Variants in PLEKHM3 observed in about 807,000 individuals in gnomAD.
PLEKHM3 encodes the protein pleckstrin homology domain containing M3, also known as pleckstrin homology domain-containing family M member 3.
Under a neutral mutation model 81.8 loss-of-function variants are expected in PLEKHM3, and 45 were observed. That is an observed-to-expected ratio of 0.55 (90% CI 0.43 to 0.71). The LOEUF is 0.71. Ranked by LOEUF, PLEKHM3 falls within the 30% of genes least tolerant of loss-of-function variation. The probability of loss-of-function intolerance (pLI) is 0.00; values close to 1 mark genes in which losing one functional copy is unlikely to be tolerated. For missense variants in PLEKHM3, 788 were observed against 924.3 expected (o/e 0.85, Z 1.91); for synonymous variants, 352 against 356.4 (o/e 0.99, Z 0.14).
intron 7 of PLEKHM3, among the ~76,000 whole-genome samples, chr2:207,839,745 G>A (rs1423013866): frequency 6.6e-6 from 1 of 152,080 alleles, no homozygotes; most frequent in Non-Finnish European, 1.5e-5. Flanking sequence ...GGGCAACATA[G>A]GGAGATCCCA....
chr2:207,892,296 C>A (rs1290968768), intron 6 of PLEKHM3, among the ~76,000 whole-genome samples: 1 of 152,148 alleles, frequency 6.6e-6, no homozygotes, highest in Non-Finnish European at 1.5e-5. Flanking sequence ...GGATGATATT[C>A]TTTTTCTTAT....
At chr2:208,005,214 A>G (rs1692458908) in intron 1 of PLEKHM3, among the ~76,000 whole-genome samples, 1 of 152,198 alleles carries the variant, frequency 6.6e-6, no homozygotes, top group Non-Finnish European at 1.5e-5. Context: ...AACATCTCAC[A>G]TTAGTATGAT....
intron 5 of PLEKHM3, among the ~76,000 whole-genome samples, chr2:207,922,521 T>A (rs1183410619): frequency 6.6e-6 from 1 of 152,038 alleles, no homozygotes; most frequent in Non-Finnish European, 1.5e-5. Flanking sequence ...ATGAAAACCA[T>A]CCAAGCCCTG....
At chr2:207,901,115 A>G in intron 6 of PLEKHM3, 1 of 614,810 alleles carries the variant, frequency 1.6e-6, no homozygotes, top group Non-Finnish European at 2.9e-6. Flanking sequence ...ATCTCAACTG[A>G]GCTCCTTCTC....
chr2:207,942,665 C>T (rs916632445), intron 4 of PLEKHM3, among the ~76,000 whole-genome samples: 7 of 152,186 alleles, frequency 4.6e-5, no homozygotes, highest in Admixed American at 3.9e-4. Context: ...CTTTGGGAGG[C>T]CGAGGAGGGT....
intron 6 of PLEKHM3, among the ~76,000 whole-genome samples, chr2:207,881,426 C>T (rs1277276958): frequency 6.6e-6 from 1 of 152,148 alleles, no homozygotes; most frequent in African/African-American, 2.4e-5. Flanking sequence ...CCCATTGAAT[C>T]CTCACCACAT....
At position 208,001,173 on chromosome 2, in the gene PLEKHM3, T is replaced by G. The variant is rs908493506; in HGVS notation, c.467A>C (p.Gln156Pro). The change falls in exon 2 of 8, where the codon CAA (glutamine) becomes CCA (proline). Residue 156 changes from glutamine to proline, a missense_variant. Gln to Pro is a moderately conservative substitution (Grantham distance 76). Transcript: ENST00000427836. ...GHARSRSDIT[Q>P]VDWRVVLKTT... Reference sequence around the variant, plus strand: ...TTTGAGGACTACCCTCCAGTCCACTTGGGTAATATCTGATCGTGATCGAGC... The same window carrying G: ...TTTGAGGACTACCCTCCAGTCCACTGGGGTAATATCTGATCGTGATCGAGC... 1 of 1,614,114 alleles carries G rather than the reference T, an allele frequency of 6.2e-7. No homozygotes were observed. The highest frequency in any genetic ancestry group is 8.5e-7 in the Non-Finnish European group (1 of 1,180,010).
chr2:207,841,193 G>A (rs530253434), intron 7 of PLEKHM3, among the ~76,000 whole-genome samples: 7 of 151,256 alleles, frequency 4.6e-5, no homozygotes, highest in East Asian at 2.0e-4. Context: ...TAGACTGGGC[G>A]CGGTGGCTCA....
intron 6 of PLEKHM3, among the ~76,000 whole-genome samples, chr2:207,887,404 C>T (rs1467517805): frequency 6.6e-6 from 1 of 152,184 alleles, no homozygotes; most frequent in Non-Finnish European, 1.5e-5. Context: ...AAAAATATCA[C>T]ACCACAGAGA....
chr2:207,930,104 T>C (rs183775669), intron 5 of PLEKHM3, among the ~76,000 whole-genome samples: 1 of 152,346 alleles, frequency 6.6e-6, no homozygotes, highest in Non-Finnish European at 1.5e-5. Context: ...CATTTTACTT[T>C]CAACTTTAAG....
intron 3 of PLEKHM3, among the ~76,000 whole-genome samples, chr2:207,965,874 G>A (rs1204281065): frequency 6.6e-6 from 1 of 152,106 alleles, no homozygotes; most frequent in African/African-American, 2.4e-5. Context: ...TTCCCCAAAG[G>A]AAAAACGTAT....
At chr2:207,862,618 A>C (rs977509529) in intron 6 of PLEKHM3, among the ~76,000 whole-genome samples, 11 of 152,328 alleles carry the variant, frequency 7.2e-5, no homozygotes, top group Admixed American at 5.9e-4. Flanking sequence ...AGCCTGGGCA[A>C]CAAGAGTGAA....
chr2:207,930,840 G>T (rs1689567328), intron 5 of PLEKHM3, 86 bp downstream of exon 5: 2 of 1,474,522 alleles, frequency 1.4e-6, no homozygotes, highest in Admixed American at 3.8e-5. Context: ...GTCCGTGCTG[G>T]AAAGGCCCTT....
At chr2:207,829,753 GA>G (rs1442142754) in intron 7 of PLEKHM3, among the ~76,000 whole-genome samples, 1 of 152,172 alleles carries the variant, frequency 6.6e-6, no homozygotes, top group Non-Finnish European at 1.5e-5. Flanking sequence ...AGCATTCAGG[GA>G]GGGTCCAGAA....
intron 2 of PLEKHM3, among the ~76,000 whole-genome samples, chr2:207,993,497 T>G (rs906089583): frequency 1.3e-5 from 2 of 150,996 alleles, no homozygotes; most frequent in African/African-American, 2.5e-5. Flanking sequence ...AGTCCCAAAT[T>G]TGGCTTTTTT....
At chr2:207,876,848 C>T (rs1299529590) in intron 6 of PLEKHM3, among the ~76,000 whole-genome samples, 1 of 152,234 alleles carries the variant, frequency 6.6e-6, no homozygotes, top group African/African-American at 2.4e-5. Flanking sequence ...AGATGACCCA[C>T]TCTTACTGGT....
At chr2:207,930,505 G>C (rs1347329744) in intron 5 of PLEKHM3, among the ~76,000 whole-genome samples, 3 of 151,912 alleles carry the variant, frequency 2.0e-5, no homozygotes, top group Non-Finnish European at 4.4e-5. Flanking sequence ...CATTGAAAAT[G>C]CTTTTTAGTT....
chr2:207,880,761 T>TAAAAAAAAAAAAA, intron 6 of PLEKHM3, among the ~76,000 whole-genome samples: 1 of 358 alleles, frequency 2.8e-3, no homozygotes, highest in Non-Finnish European at 0.011. Flanking sequence ...AGACTCTGTC[T>TAAAAAAAAAAAAA]CAAAAAAAAA....
At chr2:207,844,955 A>T (rs1296356660) in intron 7 of PLEKHM3, among the ~76,000 whole-genome samples, 1 of 152,222 alleles carries the variant, frequency 6.6e-6, no homozygotes, top group Non-Finnish European at 1.5e-5. Flanking sequence ...CCCTAGCTCT[A>T]CAAAGGTTCG....
Sources: gnomAD v4.1 joint callset for allele counts (sites outside exome capture counted in the v4.1 genomes callset) on GRCh38, gnomAD v4.1.1 for gene constraint, MANE v1.5 for transcripts, NCBI Gene and HGNC (gene_info 2026-07-23, HGNC 2026-07-21) for gene names.